The following SLC39A11 variants were observed in gnomAD, a reference collection of about 807,000 sequenced individuals.
SLC39A11 encodes the protein solute carrier family 39 member 11.
Under a neutral mutation model 36.1 loss-of-function variants are expected in SLC39A11, and 33 were observed. The ratio of observed to expected loss-of-function variants is 0.91; its 90% CI spans 0.69 to 1.22. SLC39A11 has a LOEUF of 1.22. SLC39A11 is among the 50% of genes most tolerant of loss of function. The pLI, the probability that SLC39A11 is intolerant of heterozygous loss-of-function variation, is 0.00. For synonymous variants in SLC39A11, 166 were observed against 170.3 expected, an observed-to-expected ratio of 0.97 and a Z score of 0.20; for missense variants, 432 against 430.3, an observed-to-expected ratio of 1.00 and a Z score of -0.03.
intron 5 of SLC39A11, among the ~76,000 whole-genome samples, chr17:72,944,200 T>C (rs550658931): frequency 2.0e-5 from 3 of 152,306 alleles, no homozygotes; most frequent in South Asian, 2.1e-4. Flanking sequence ...CCAATAAAGC[T>C]GTTCTTCTCT....
chr17:72,830,134 G>T (rs1327456656), intron 6 of SLC39A11, among the ~76,000 whole-genome samples: 1 of 152,200 alleles, frequency 6.6e-6, no homozygotes, highest in Non-Finnish European at 1.5e-5. Flanking sequence ...CAAGCTCCCA[G>T]CAGGCTTCCA....
At chr17:72,858,793 A>G (rs1418407757) in intron 5 of SLC39A11, among the ~76,000 whole-genome samples, 2 of 152,180 alleles carry the variant, frequency 1.3e-5, no homozygotes, top group Non-Finnish European at 2.9e-5. Context: ...TATTGTTGGC[A>G]TATAGAAATA....
At position 72,651,397 on chromosome 17, in the gene SLC39A11, G is replaced by A. The variant is rs545230564; in HGVS notation, c.672-2129C>T. Among the ~76,000 whole-genome samples, 11 of 152,146 alleles carry A rather than the reference G, an allele frequency of 7.2e-5. No individual in the cohort carries two copies. In the South Asian group the frequency reaches 2.3e-3, roughly 32 times the overall value. ...AGGCTGGGAGCCGAGGACACCTGTG[G>A]CCACTACTGAATGCATCAGGAGCCT... On this transcript the variant is annotated intron_variant, in intron 7 of 9. Coordinates refer to ENST00000255559, the MANE Select transcript of SLC39A11 (RefSeq NM_139177.4).
intron 7 of SLC39A11, among the ~76,000 whole-genome samples, chr17:72,703,684 C>A (rs1598396136): frequency 1.3e-5 from 2 of 152,214 alleles, no homozygotes; most frequent in South Asian, 2.1e-4. Flanking sequence ...CATGGCCAAC[C>A]AAGATCAACT....
In SLC39A11 at chr17:72,932,923, G is replaced by C. The variant is rs561175561; in HGVS notation, c.430+14829C>G. Among the ~76,000 whole-genome samples, 5 of 152,266 alleles carry C rather than the reference G, an allele frequency of 3.3e-5. No homozygotes were observed. The South Asian group carries it at 6.2e-4, about 19-fold the overall frequency. The stretch of plus-strand genomic sequence containing the variant: ...ATTTCTATATTGTGACATCTTTCAG[G>C]ACAGTGGTGGCTTTTCAAATATGCA... On this transcript the variant is annotated intron_variant, in intron 5 of 9. Coordinates refer to ENST00000255559, the MANE Select transcript of SLC39A11 (RefSeq NM_139177.4).
intron 7 of SLC39A11, among the ~76,000 whole-genome samples, chr17:72,653,549 C>T (rs2143899198): frequency 6.6e-6 from 1 of 152,034 alleles, no homozygotes; most frequent in African/African-American, 2.4e-5. Flanking sequence ...AAGCGATTCT[C>T]CTGCCTCAGC....
chr17:72,964,597 G>C (rs1218693263), intron 4 of SLC39A11, among the ~76,000 whole-genome samples: 1 of 152,208 alleles, frequency 6.6e-6, no homozygotes, highest in Admixed American at 6.5e-5. Context: ...ATGTTCTGAG[G>C]TAAGTGCTAG....
intron 7 of SLC39A11, among the ~76,000 whole-genome samples, chr17:72,710,155 AT>A (rs1209259662): frequency 6.6e-6 from 1 of 152,142 alleles, no homozygotes; most frequent in African/African-American, 2.4e-5. Context: ...TACAGCCAGC[AT>A]GCTTTTCTAC....
chr17:73,033,750 T>A (rs2058815030), intron 3 of SLC39A11, among the ~76,000 whole-genome samples: 1 of 152,170 alleles, frequency 6.6e-6, no homozygotes, highest in African/African-American at 2.4e-5. Context: ...ATTACTTAAT[T>A]ATGCCTTGCC....
At chr17:72,860,033 AGG>A (rs2079886190) in intron 5 of SLC39A11, among the ~76,000 whole-genome samples, 1 of 95,928 alleles carries the variant, frequency 1.0e-5, no homozygotes, top group Admixed American at 1.1e-4. Context: ...AGGGGAGGGG[AGG>A]GGAGGGGAGG....
chr17:73,066,585 T>C (rs1425308686), intron 3 of SLC39A11, among the ~76,000 whole-genome samples: 1 of 152,192 alleles, frequency 6.6e-6, no homozygotes, highest in Non-Finnish European at 1.5e-5. Flanking sequence ...ACAGGACACA[T>C]GGCCCAGGCT....
intron 5 of SLC39A11, among the ~76,000 whole-genome samples, chr17:72,852,204 C>CAAAAAACAAAAAAAAAAAAAAA (rs2079373236): frequency 2.5e-5 from 1 of 39,892 alleles, no homozygotes; most frequent in Non-Finnish European, 5.2e-5. Context: ...GACTCCGTCT[C>CAAAAAACAAAAAAAAAAAAAAA]AAAAAAAAAA....
intron 5 of SLC39A11, among the ~76,000 whole-genome samples, chr17:72,921,669 C>T (rs2083676511): frequency 6.6e-6 from 1 of 152,188 alleles, no homozygotes; most frequent in Non-Finnish European, 1.5e-5. Flanking sequence ...AAAATAGCCC[C>T]TGATCGAAAT....
intron 7 of SLC39A11, among the ~76,000 whole-genome samples, chr17:72,729,443 ATATATATATATATATTTTTTTTTT>A (rs1262766507): frequency 4.3e-4 from 1 of 2,308 alleles, no homozygotes; most frequent in African/African-American, 1.9e-3. Flanking sequence ...ATATATATAT[ATATATATATATATATTTTTTTTTT>A]TTTTTTTTTT....
chr17:72,758,904 C>T (rs1186550485), intron 6 of SLC39A11, among the ~76,000 whole-genome samples: 2 of 151,942 alleles, frequency 1.3e-5, no homozygotes, highest in African/African-American at 4.8e-5. Context: ...ATAATCTTGG[C>T]GACAGCCTGG....
At chr17:72,964,052 T>G (rs2086802601) in intron 4 of SLC39A11, among the ~76,000 whole-genome samples, 3 of 151,568 alleles carry the variant, frequency 2.0e-5, no homozygotes, top group African/African-American at 7.3e-5. Context: ...AGTACAAAGG[T>G]GGCTCTGCTA....
Position 73,088,675 on chromosome 17 carries a change from G to C in SLC39A11, c.90C>G (p.Phe30Leu), listed in dbSNP as rs763177680. 1.9e-6 allele frequency: 3 copies of C among 1,612,226 alleles called. No homozygotes were observed. Among genetic ancestry groups the C allele is most frequent in the African/African-American group, 1.3e-5 (1 of 74,936 alleles). Residue 30 changes from phenylalanine (F) to leucine (L), a missense_variant, in exon 2 of 10, where the codon TTC (phenylalanine) becomes TTG (leucine). By Grantham distance (22) the Phe-to-Leu change is conservative. Transcript: ENST00000255559. Reference sequence around the variant, plus strand: ...AACTCACCTGTCCACTAGAGAATACGAACACGAGAGCTGCCCCAGCTGCTG... The same window carrying C: ...AACTCACCTGTCCACTAGAGAATACCAACACGAGAGCTGCCCCAGCTGCTG... The part of the protein sequence containing the change: ...GMTAAGAALV[F>L]VFSSGQRRIL...
At chr17:73,030,590 C>T (rs1400821733) in intron 4 of SLC39A11, among the ~76,000 whole-genome samples, 1 of 152,152 alleles carries the variant, frequency 6.6e-6, no homozygotes, top group African/African-American at 2.4e-5. Flanking sequence ...GGACTTTGAC[C>T]CATTTCTCTC....
intron 6 of SLC39A11, among the ~76,000 whole-genome samples, chr17:72,843,258 G>T (rs1937489618): frequency 6.6e-6 from 1 of 152,048 alleles, no homozygotes; most frequent in Non-Finnish European, 1.5e-5. Flanking sequence ...CTGGGGAGGG[G>T]TTCTTTCCTG....
Sources: allele counts gnomAD v4.1 joint callset (sites outside exome capture counted in the v4.1 genomes callset), GRCh38; gene constraint gnomAD v4.1.1; transcripts MANE v1.5; gene names NCBI Gene and HGNC (gene_info 2026-07-23, HGNC 2026-07-21).